Variants in ANOS1 observed in about 807,000 individuals in gnomAD.
ANOS1 encodes the protein anosmin-1.
In ANOS1, 6 loss-of-function variants were observed where a neutral mutation model predicts 59.0. The ratio of observed to expected loss-of-function variants is 0.10; its 90% CI spans 0.06 to 0.20. ANOS1 has a LOEUF of 0.20. Among genes scored for constraint, ANOS1 ranks in the 10% least tolerant of loss-of-function variants. The pLI, the probability that ANOS1 is intolerant of heterozygous loss-of-function variation, is 1.00. For synonymous variants in ANOS1, 217 were observed against 223.4 expected (o/e 0.97, Z 0.25); for missense variants, 433 against 542.3 (o/e 0.80, Z 2.00).
intron 2 of ANOS1, among the ~76,000 whole-genome samples, chrX:8,668,228 T>C (rs1478764165): frequency 1.9e-5 from 2 of 107,091 alleles, no homozygotes; most frequent in South Asian, 4.2e-4. Context: ...ATGTCATTAT[T>C]ATGCTTTTGC....
rs530938646 is a variant in ANOS1 at position 8,663,650 on chromosome X, G to A, written c.255+36048C>T. ...ATCATGGCCTGAATTTCTATCTTGT[G>A]TTTCCTACTAACTCCCTCTGAATGT... is the stretch of plus-strand genomic sequence containing the variant. On this transcript the variant is annotated intron_variant, in intron 2 of 13. Transcript: ENST00000262648. 1.9e-4 allele frequency among the ~76,000 whole-genome samples: 21 copies of A among 111,776 alleles called. No homozygotes were observed. The South Asian group carries it at 4.9e-3, about 26-fold the overall frequency.
chrX:8,656,151 C>T (rs1164707478), intron 2 of ANOS1, among the ~76,000 whole-genome samples: 1 of 112,433 alleles, frequency 8.9e-6, no homozygotes, highest in African/African-American at 3.2e-5. Context: ...CAGCCACTAC[C>T]TGCACATCTC....
intron 9 of ANOS1, 121 bp downstream of exon 9, chrX:8,553,831 T>C: frequency 1.7e-6 from 1 of 595,742 alleles, no homozygotes; most frequent in Admixed American, 2.6e-5. Flanking sequence ...TTCAGACTTG[T>C]GTTCAACAAC....
intron 6 of ANOS1, among the ~76,000 whole-genome samples, chrX:8,574,961 A>T (rs966014301): frequency 7.2e-5 from 8 of 111,860 alleles, no homozygotes; most frequent in African/African-American, 2.3e-4. Flanking sequence ...TGAGAGGAGG[A>T]ATGTTTGCTT....
At chrX:8,556,466 A>G (rs1929951418) in intron 8 of ANOS1, among the ~76,000 whole-genome samples, 1 of 112,337 alleles carries the variant, frequency 8.9e-6, no homozygotes, top group South Asian at 3.6e-4. Context: ...TTAAGCTGAT[A>G]AGCAACTTCA....
At chrX:8,561,184 G>A (rs778397764) in intron 8 of ANOS1, among the ~76,000 whole-genome samples, 3 of 112,371 alleles carry the variant, frequency 2.7e-5, no homozygotes, top group African/African-American at 9.7e-5. Flanking sequence ...TCTATCCAAC[G>A]GACCAGATGA....
At chrX:8,685,601 A>G (rs6640215) in intron 2 of ANOS1, among the ~76,000 whole-genome samples, 8,102 of 29,937 alleles carry the variant, frequency 0.27, 438 homozygotes, top group East Asian at 0.45. Context: ...AGAAAGGAAG[A>G]AAGAAAGAAA....
At chrX:8,671,830 T>C (rs2146880855) in intron 2 of ANOS1, among the ~76,000 whole-genome samples, 1 of 110,906 alleles carries the variant, frequency 9.0e-6, no homozygotes, top group Non-Finnish European at 1.9e-5. Context: ...ATATAATTAT[T>C]GTGCAGAACA....
Position 8,583,048 on chromosome X carries a change from T to C in ANOS1, c.856+2219A>G, listed in dbSNP as rs187333463. Among the ~76,000 whole-genome samples the C allele has an allele frequency of 3.3e-3, 362 of 111,236 alleles. 1 individual carries two copies. The highest frequency in any genetic ancestry group is 0.011 in the African/African-American group (349 of 30,582). On this transcript the variant is annotated intron_variant, in intron 6 of 13. Coordinates refer to ENST00000262648, the MANE Select transcript of ANOS1 (RefSeq NM_000216.4). ...GAGTGCTTAAGGGAAAAGTCCTTAA[T>C]TTCCTTGGGGATGCTCGTATTTCCA...
At position 8,661,767 on chromosome X, in the gene ANOS1, A is replaced by C. The variant is rs1932042674; in HGVS notation, c.255+37931T>G. ...TGATGGTCCTGGGCAAGCACAGTTG[A>C]TCACAATCCCAATTAGCACTGTTAC... is the stretch of plus-strand genomic sequence containing the variant. On this transcript the variant is annotated intron_variant, in intron 2 of 13. Coordinates refer to ENST00000262648, the MANE Select transcript of ANOS1 (RefSeq NM_000216.4). Among the ~76,000 whole-genome samples the C allele has an allele frequency of 2.7e-5, 3 of 111,763 alleles. No homozygotes were observed. In the South Asian group the frequency reaches 1.1e-3, roughly 42 times the overall value.
chrX:8,594,733 T>A (rs1267017890), intron 4 of ANOS1, among the ~76,000 whole-genome samples: 1 of 82,638 alleles, frequency 1.2e-5, no homozygotes, highest in African/African-American at 4.8e-5. Context: ...TCTACATATA[T>A]ATGTGTATAT....
intron 3 of ANOS1, among the ~76,000 whole-genome samples, chrX:8,599,792 A>G (rs1262856496): frequency 8.9e-6 from 1 of 112,097 alleles, no homozygotes; most frequent in Non-Finnish European, 1.9e-5. Flanking sequence ...TCTAGGCAGG[A>G]GACTGAATGG....
In ANOS1 at chrX:8,596,045, C is replaced by T. The variant is rs183312418; in HGVS notation, c.541+989G>A. On this transcript the variant is annotated intron_variant, in intron 4 of 13. Coordinates refer to ENST00000262648, the MANE Select transcript of ANOS1 (RefSeq NM_000216.4). ...TGATCTGTCACTGTCTCCCATCACC[C>T]CCAGATGGGACCATCCAGTTGCAGG... Among the ~76,000 whole-genome samples the T allele has an allele frequency of 2.4e-3, 265 of 111,554 alleles. 1 individual carries two copies. Among genetic ancestry groups the T allele is most frequent in the Non-Finnish European group, 2.2e-3 (117 of 53,071 alleles).
chrX:8,600,634 G>A (rs940238245), intron 3 of ANOS1, among the ~76,000 whole-genome samples: 2 of 111,653 alleles, frequency 1.8e-5, no homozygotes, highest in African/African-American at 3.3e-5. Flanking sequence ...AACTCTCAAG[G>A]CTTTTATCTC....
chrX:8,554,542 G>GTT lies in ANOS1; in HGVS notation c.1208-446_1208-445dup, dbSNP rs757605733. ...GGCAGACACAGAGCTGGCTACAGGA[G>GTT]TTTTTTTTTTTTTTTTTTTTTTTTT... On this transcript the variant is annotated intron_variant, in intron 8 of 13. Transcript: ENST00000262648. Among the ~76,000 whole-genome samples, 122 of 50,830 alleles carry GTT rather than the reference G, an allele frequency of 2.4e-3. 5 individuals are homozygous for GTT. Among genetic ancestry groups the GTT allele is most frequent in the East Asian group, 0.022 (26 of 1,191 alleles). 44.1% of individuals were successfully genotyped at this position (50,830 alleles called of 115,157 possible).
chrX:8,587,735 T>C (rs377059478), intron 5 of ANOS1, 59 bp downstream of exon 5: 1 of 963,395 alleles, frequency 1.0e-6, no homozygotes, highest in South Asian at 2.1e-5. Context: ...TTTTTGTGCG[T>C]AGCTATGTAG....
chrX:8,731,712 G>C (rs1932979304), intron 1 of ANOS1, 118 bp downstream of exon 1: 1 of 1,101,052 alleles, frequency 9.1e-7, no homozygotes, highest in Non-Finnish European at 1.2e-6. Context: ...GGGAAGCCAG[G>C]ATCAGCCGGC....
intron 3 of ANOS1, among the ~76,000 whole-genome samples, chrX:8,616,688 C>T (rs912077322): frequency 9.0e-5 from 10 of 111,418 alleles, no homozygotes; most frequent in Admixed American, 5.7e-4. Context: ...TTTTTAAGGA[C>T]AAAAGCCCTG....
intron 1 of ANOS1, among the ~76,000 whole-genome samples, chrX:8,711,677 G>A (rs967642934): frequency 8.9e-6 from 1 of 112,339 alleles, no homozygotes; most frequent in Admixed American, 9.4e-5. Flanking sequence ...AGAGCTCTGG[G>A]GCCCCACCTG....
Sources: allele counts gnomAD v4.1 joint callset (sites outside exome capture counted in the v4.1 genomes callset), GRCh38; gene constraint gnomAD v4.1.1; transcripts MANE v1.5; gene names NCBI Gene and HGNC (gene_info 2026-07-23, HGNC 2026-07-21).